ASCC3: variants seen among roughly 807,000 people sequenced by gnomAD.
ASCC3 encodes activating signal cointegrator 1 complex subunit 3, also known as ASC-1 complex subunit P200.
ASCC3 carries 158 observed loss-of-function variants against 256.3 expected under a neutral mutation model. That is an observed-to-expected ratio of 0.62 (90% confidence interval 0.54 to 0.70). ASCC3 has a LOEUF of 0.70. Ranked by LOEUF, ASCC3 falls within the 30% of genes least tolerant of loss-of-function variation. The pLI, the probability that ASCC3 is intolerant of heterozygous loss-of-function variation, is 0.00. For synonymous variants in ASCC3, 948 were observed against 883.4 expected, an observed-to-expected ratio of 1.07 and a Z score of -1.30; for missense variants, 2,259 against 2,626.0, an observed-to-expected ratio of 0.86 and a Z score of 3.05.
At chr6:100,819,958 A>C (rs939545996) in intron 4 of ASCC3, among the ~76,000 whole-genome samples, 3 of 152,224 alleles carry the variant, frequency 2.0e-5, no homozygotes, top group African/African-American at 7.2e-5. Flanking sequence ...CTACACTAAA[A>C]ACTACAAATA....
intron 12 of ASCC3, among the ~76,000 whole-genome samples, chr6:100,716,913 C>T (rs563750448): frequency 2.0e-5 from 3 of 151,882 alleles, no homozygotes; most frequent in East Asian, 1.9e-4. Flanking sequence ...AATTATAAAG[C>T]TGAAAACATT....
intron 8 of ASCC3, among the ~76,000 whole-genome samples, chr6:100,770,190 T>C (rs1038320905): frequency 1.6e-4 from 25 of 151,952 alleles, no homozygotes; most frequent in African/African-American, 6.0e-4. Flanking sequence ...ATAAATGACA[T>C]AATACATCAC....
chr6:100,512,856 C>T lies in ASCC3; in HGVS notation c.6138G>A (p.Trp2046Ter), dbSNP rs773579136. ...CATTATGTCCTTCAACTAAGTCATCCCACGAGCCTTTAACACTTATGCCAA... is the reference window on the plus strand; with the variant it reads ...CATTATGTCCTTCAACTAAGTCATCTCACGAGCCTTTAACACTTATGCCAA... ...INVGISVKGS[W>*]DDLVEGHNEL... is the part of the protein sequence containing the mutation. Residue 2046 changes from tryptophan to a stop codon, truncating the protein, a stop_gained, in exon 40 of 42, where the codon TGG (tryptophan) becomes TGA (stop). Transcript: ENST00000369162. LOFTEE classifies it high-confidence loss of function. 1.2e-6 allele frequency: 2 copies of T among 1,613,986 alleles called. No homozygotes were observed. Among genetic ancestry groups the T allele is most frequent in the Admixed American group, 1.7e-5 (1 of 60,010 alleles).
chr6:100,536,068 T>C (rs1306518085), intron 37 of ASCC3, among the ~76,000 whole-genome samples: 1 of 152,160 alleles, frequency 6.6e-6, no homozygotes, highest in Non-Finnish European at 1.5e-5. Context: ...TGTAAATGTA[T>C]GAAGAAAAAG....
At chr6:100,686,588 G>A (rs1431459281) in intron 13 of ASCC3, among the ~76,000 whole-genome samples, 1 of 152,004 alleles carries the variant, frequency 6.6e-6, no homozygotes, top group Non-Finnish European at 1.5e-5. Flanking sequence ...CCATTACATA[G>A]AAACACCAAA....
At chr6:100,773,602 T>C (rs2115149415) in intron 8 of ASCC3, among the ~76,000 whole-genome samples, 1 of 152,282 alleles carries the variant, frequency 6.6e-6, no homozygotes, top group South Asian at 2.1e-4. Context: ...CTTTATGTAT[T>C]ATTATTATGA....
At chr6:100,533,492 T>C (rs1775016018) in intron 37 of ASCC3, among the ~76,000 whole-genome samples, 1 of 152,170 alleles carries the variant, frequency 6.6e-6, no homozygotes, top group Non-Finnish European at 1.5e-5. Flanking sequence ...TCTGTTAAAA[T>C]GTAGGCTGCA....
intron 13 of ASCC3, 25 bp downstream of exon 13, chr6:100,715,437 G>A: frequency 6.3e-6 from 10 of 1,582,950 alleles, no homozygotes; most frequent in South Asian, 3.3e-5. Flanking sequence ...ATAAATAAGT[G>A]TAAAAGCAGA....
chr6:100,571,517 A>G (rs569819727), intron 36 of ASCC3, among the ~76,000 whole-genome samples: 105 of 152,338 alleles, frequency 6.9e-4, no homozygotes, highest in African/African-American at 2.4e-3. Context: ...TGTATCCTCC[A>G]TGGCTGGAAT....
intron 10 of ASCC3, among the ~76,000 whole-genome samples, chr6:100,759,187 T>C (rs1166593526): frequency 6.6e-6 from 1 of 152,192 alleles, no homozygotes; most frequent in African/African-American, 2.4e-5. Context: ...ATTCTGTAGG[T>C]TGCCTGTTTA....
Position 100,770,658 on chromosome 6 carries a change from T to C in ASCC3, c.1396-3313A>G, listed in dbSNP as rs185720647. ...TTCAGGAAGGCTGCAGGATGCAAGA[T>C]CAACAACTAAAAAATTACATTTCTA... On this transcript the variant is annotated intron_variant, in intron 8 of 41. Transcript: ENST00000369162. Among the ~76,000 whole-genome samples, 97 of 152,030 alleles carry C rather than the reference T, an allele frequency of 6.4e-4. No individual in the cohort carries two copies. In the East Asian group the frequency reaches 0.018, roughly 29 times the overall value.
At chr6:100,683,734 G>A (rs1231432112) in intron 13 of ASCC3, among the ~76,000 whole-genome samples, 1 of 151,962 alleles carries the variant, frequency 6.6e-6, no homozygotes, top group African/African-American at 2.4e-5. Flanking sequence ...CAATAATGAT[G>A]GCAAATTCAG....
At chr6:100,584,190 T>TA in intron 36 of ASCC3, among the ~76,000 whole-genome samples, 1 of 151,442 alleles carries the variant, frequency 6.6e-6, no homozygotes, top group Admixed American at 6.7e-5. Context: ...AGTGGGGTGT[T>TA]AAAGTCTCCC....
intron 30 of ASCC3, among the ~76,000 whole-genome samples, chr6:100,614,154 T>G (rs1184174583): frequency 6.6e-6 from 1 of 152,246 alleles, no homozygotes; most frequent in Non-Finnish European, 1.5e-5. Context: ...ATTTCCATTG[T>G]TGAAGAATTT....
intron 18 of ASCC3, among the ~76,000 whole-genome samples, chr6:100,651,881 A>G (rs1775688062): frequency 6.6e-6 from 1 of 151,640 alleles, no homozygotes; most frequent in African/African-American, 2.4e-5. Context: ...CAGCAAAAAG[A>G]TGGATGGTGA....
intron 36 of ASCC3, among the ~76,000 whole-genome samples, chr6:100,561,406 T>C (rs1769944619): frequency 6.6e-6 from 1 of 152,124 alleles, no homozygotes. Flanking sequence ...GAAACTTCAT[T>C]AACAAAAATA....
At chr6:100,633,190 C>G (rs1438651720) in intron 25 of ASCC3, among the ~76,000 whole-genome samples, 1 of 151,802 alleles carries the variant, frequency 6.6e-6, no homozygotes, top group African/African-American at 2.4e-5. Context: ...AATTATGTAC[C>G]CTTCTAAGTA....
intron 4 of ASCC3, among the ~76,000 whole-genome samples, chr6:100,822,979 G>C (rs1285645854): frequency 6.6e-6 from 1 of 152,116 alleles, no homozygotes; most frequent in Non-Finnish European, 1.5e-5. Context: ...AACTTCTAGT[G>C]CCAAGTCCCA....
chr6:100,739,844 T>C (rs1481837167), intron 10 of ASCC3, among the ~76,000 whole-genome samples: 2 of 152,164 alleles, frequency 1.3e-5, no homozygotes, highest in Non-Finnish European at 2.9e-5. Flanking sequence ...TTAGTCTAGC[T>C]AGTGGTCTAA....
Sources: allele counts gnomAD v4.1 joint callset (sites outside exome capture counted in the v4.1 genomes callset), GRCh38; gene constraint gnomAD v4.1.1; transcripts MANE v1.5; gene names NCBI Gene and HGNC (gene_info 2026-07-23, HGNC 2026-07-21).